Variants in LAMB4 observed in about 807,000 individuals in gnomAD.
The protein encoded by LAMB4 is laminin subunit beta 4, also known as laminin subunit beta-4.
LAMB4 carries 196 observed loss-of-function variants against 199.2 expected under a neutral mutation model. The observed-to-expected ratio is 0.98, with a 90% CI of 0.88 to 1.11. The LOEUF (loss-of-function observed/expected upper bound fraction) is 1.11, where lower values mean the gene tolerates loss of function less well. Among genes scored for constraint, LAMB4 ranks in the 50% least tolerant of loss-of-function variants. The probability of loss-of-function intolerance (pLI) is 0.00; values close to 1 mark genes in which losing one functional copy is unlikely to be tolerated. For synonymous variants in LAMB4, 744 were observed against 770.6 expected, an observed-to-expected ratio of 0.97 and a Z score of 0.57; for missense variants, 2,080 against 2,171.2, an observed-to-expected ratio of 0.96 and a Z score of 0.83.
intron 18 of LAMB4, among the ~76,000 whole-genome samples, chr7:108,069,172 A>G (rs1255207821): frequency 6.6e-6 from 1 of 152,218 alleles, no homozygotes; most frequent in Non-Finnish European, 1.5e-5. Context: ...CTTAGGTGAC[A>G]TTTGACAAAG....
Position 108,030,876 on chromosome 7 carries a change from T to A in LAMB4, c.4922A>T (p.His1641Leu). The A allele has an allele frequency of 6.2e-7, 1 of 1,614,158 alleles. No individual in the cohort carries two copies. Among genetic ancestry groups the A allele is most frequent in the Non-Finnish European group, 8.5e-7 (1 of 1,179,996 alleles). ...LSLLQTKLQR[H>L]QDHAVNAKVQ... The stretch of plus-strand genomic sequence containing the variant: ...TTTCGCATTGACAGCGTGGTCTTGA[T>A]GCCTTTGCAACTTGGTCTGCAGCAG... The change falls in exon 32 of 34, where the codon CAT becomes CTT. Residue 1641 changes from histidine to leucine, a missense_variant. Transcript: ENST00000388781.
chr7:108,057,956 T>C lies in LAMB4; in HGVS notation c.3283-28A>G, dbSNP rs1328093096. 2.0e-6 allele frequency: 3 copies of C among 1,498,404 alleles called. No individual in the cohort carries two copies. In the East Asian group the frequency reaches 6.8e-5, roughly 34 times the overall value. The allele number at this position is 1,498,404 out of a possible 1,614,324, so 92.8% of individuals were successfully genotyped here. A position where few individuals can be genotyped will look rare whatever the true frequency, so the allele number is the denominator to read the frequency against. On this transcript the variant is annotated intron_variant, in intron 23 of 33. Transcript: ENST00000388781. ...GTGAGAACAGTCATGGGTGAGGAAT[T>C]GACAAGTTTTATGGTCTAAAAAAAA...
At chr7:108,084,784 CT>C (rs745640979) in intron 14 of LAMB4, among the ~76,000 whole-genome samples, 1,482 of 96,372 alleles carry the variant, frequency 0.015, 7 homozygotes, top group African/African-American at 0.035. Context: ...CCAAGGAATC[CT>C]TTTTTTTTTT....
At chr7:108,062,403 G>T (rs2036194671) in intron 23 of LAMB4, 1 of 155,378 alleles carries the variant, frequency 6.4e-6, no homozygotes, top group African/African-American at 2.4e-5. Context: ...TGTGGGTTTT[G>T]AAGGTATCTG....
chr7:108,017,785 A>G, the LAMB4 span, among the ~76,000 whole-genome samples: 1 of 152,252 alleles, frequency 6.6e-6, no homozygotes, highest in African/African-American at 2.4e-5. Context: ...GGTGTAACTT[A>G]CACAGTGTAA....
intron 19 of LAMB4, among the ~76,000 whole-genome samples, chr7:108,066,859 A>G (rs757170141): frequency 2.0e-5 from 3 of 152,102 alleles, no homozygotes; most frequent in African/African-American, 7.2e-5. Flanking sequence ...GTTTTTAACG[A>G]CTTAAACTTC....
chr7:108,038,087 A>C (rs995578492), intron 29 of LAMB4, among the ~76,000 whole-genome samples: 1 of 152,112 alleles, frequency 6.6e-6, no homozygotes, highest in Non-Finnish European at 1.5e-5. Context: ...TGATGCTACA[A>C]CTCAGAGGCC....
Position 108,043,784 on chromosome 7 carries a change from A to T in LAMB4, c.4439T>A (p.Leu1480His), listed in dbSNP as rs2035520428. ...QSDSEEENIN[L>H]FIKKVKNFLL... ...AAAGTTTTTCACTTTTTTGATGAAA[A>T]GATTGATGTTTTCTTCTTCAGAGTC... The change falls in exon 29 of 34, where the codon CTT becomes CAT. Residue 1480 changes from leucine to histidine, a missense_variant. Leu to His is a moderately conservative substitution (Grantham distance 99, BLOSUM62 -3). Transcript: ENST00000388781. The T allele has an allele frequency of 6.3e-7, 1 of 1,593,732 alleles. No individual in the cohort carries two copies. The highest frequency in any genetic ancestry group is 1.7e-5 in the Admixed American group (1 of 58,048).
Position 108,086,737 on chromosome 7 carries a change from T to G in LAMB4, c.1701+4889A>C, listed in dbSNP as rs560138686. ...CATTTCAAGAAAGAGAGGAGCATGT[T>G]GTGGATGCTTAAAGCAAGGTTTCTC... On this transcript the variant is annotated intron_variant, in intron 14 of 33. Transcript: ENST00000388781. 2.0e-5 allele frequency among the ~76,000 whole-genome samples: 3 copies of G among 152,274 alleles called. No homozygotes were observed. The South Asian group carries it at 6.2e-4, about 32-fold the overall frequency.
chr7:108,069,683 T>A, intron 18 of LAMB4, 25 bp downstream of exon 18: 2 of 1,602,180 alleles, frequency 1.2e-6, no homozygotes, highest in Non-Finnish European at 1.7e-6. Flanking sequence ...AGTGCCTCAG[T>A]AGAGCCCATT....
At chr7:108,039,090 T>C (rs1406090874) in intron 29 of LAMB4, among the ~76,000 whole-genome samples, 1 of 152,092 alleles carries the variant, frequency 6.6e-6, no homozygotes, top group African/African-American at 2.4e-5. Flanking sequence ...GTAAGAGATA[T>C]TCTAAACTGA....
chr7:108,068,054 G>A lies in LAMB4; in HGVS notation c.2408C>T (p.Ser803Leu). ...ATGCCCCAAATCATAGCTTCCAGTT[G>A]AGCACCTGTCACAGCAGCGCCCGAC... Reference protein sequence around the residue: ...LVVGRCCDRCSTGSYDLGHHG... With the variant: ...LVVGRCCDRCLTGSYDLGHHG... Residue 803 changes from serine to leucine, a missense_variant, in exon 19 of 34, where the codon TCA becomes TTA. Transcript: ENST00000388781. 6.2e-7 allele frequency: 1 copy of A among 1,614,108 alleles called. No individual in the cohort carries two copies. The highest frequency in any genetic ancestry group is 8.5e-7 in the Non-Finnish European group (1 of 1,180,018).
intron 7 of LAMB4, 89 bp downstream of exon 7, chr7:108,106,420 G>GAAA: frequency 2.5e-5 from 17 of 673,598 alleles, no homozygotes; most frequent in East Asian, 6.3e-5. Context: ...TCCGTCTCAA[G>GAAA]AAAAAAAAAA....
intron 29 of LAMB4, among the ~76,000 whole-genome samples, chr7:108,040,908 A>G (rs927126661): frequency 3.9e-5 from 6 of 152,242 alleles, no homozygotes; most frequent in Non-Finnish European, 8.8e-5. Context: ...AAACTGAGAA[A>G]TGGAATCTAA....
chr7:108,102,272 A>C (rs1166584902), intron 10 of LAMB4, among the ~76,000 whole-genome samples: 1 of 152,242 alleles, frequency 6.6e-6, no homozygotes, highest in Non-Finnish European at 1.5e-5. Flanking sequence ...AAAAGTCTCA[A>C]AAATATAATG....
At chr7:108,110,145 C>T (rs748460658) in intron 4 of LAMB4, among the ~76,000 whole-genome samples, 4 of 152,276 alleles carry the variant, frequency 2.6e-5, no homozygotes, top group Non-Finnish European at 2.9e-5. Context: ...TCTACTGCCT[C>T]AGCCTCCTGA....
intron 31 of LAMB4, 151 bp downstream of exon 31, chr7:108,034,057 A>C: frequency 1.3e-6 from 1 of 780,028 alleles, no homozygotes; most frequent in Non-Finnish European, 2.1e-6. Flanking sequence ...TAGAACATTA[A>C]ATACATGCAT....
intron 1 of LAMB4, among the ~76,000 whole-genome samples, chr7:108,128,448 T>A (rs557357866): frequency 6.6e-6 from 1 of 152,250 alleles, no homozygotes; most frequent in Admixed American, 6.5e-5. Context: ...TCCTAAAATA[T>A]CAACAGCGCT....
chr7:108,066,002 C>G, intron 20 of LAMB4, 83 bp from the exon 21 acceptor site: 1 of 1,304,518 alleles, frequency 7.7e-7, no homozygotes, highest in African/African-American at 1.5e-5. Context: ...TGCTTTAAAA[C>G]AGTGCACCTC....
Sources: gnomAD v4.1 joint callset for allele counts (sites outside exome capture counted in the v4.1 genomes callset) on GRCh38, gnomAD v4.1.1 for gene constraint, MANE v1.5 for transcripts, NCBI Gene and HGNC (gene_info 2026-07-23, HGNC 2026-07-21) for gene names.